The following TRAPPC9 variants were observed in gnomAD, a reference collection of about 807,000 sequenced individuals.
TRAPPC9 encodes the protein IKK2 binding protein.
A neutral mutation model predicts 124.0 loss-of-function variants in TRAPPC9; 83 were observed. The ratio of observed to expected loss-of-function variants is 0.67; its 90% CI spans 0.56 to 0.80. The LOEUF is 0.80. TRAPPC9 is among the 30% of genes least tolerant of loss of function. The pLI is 0.00. For missense variants in TRAPPC9, 1,302 were observed against 1,508.3 expected, an observed-to-expected ratio of 0.86 and a Z score of 2.27; for synonymous variants, 638 against 617.5, an observed-to-expected ratio of 1.03 and a Z score of -0.49.
intron 16 of TRAPPC9, among the ~76,000 whole-genome samples, chr8:140,231,556 A>C (rs184647427): frequency 0.017 from 2,158 of 129,956 alleles, 26 homozygotes; most frequent in Non-Finnish European, 0.024. Flanking sequence ...ACAGTGGTGC[A>C]ATCTCGGCTC....
chr8:139,953,727 C>A (rs1834807693), intron 19 of TRAPPC9, among the ~76,000 whole-genome samples: 1 of 152,178 alleles, frequency 6.6e-6, no homozygotes, highest in Non-Finnish European at 1.5e-5. Context: ...AACAGCCCAA[C>A]TTTATTTAAA....
intron 21 of TRAPPC9, among the ~76,000 whole-genome samples, chr8:139,807,657 G>A (rs555452176): frequency 4.6e-5 from 7 of 152,236 alleles, no homozygotes; most frequent in South Asian, 2.1e-4. Flanking sequence ...AAAGGTGGGC[G>A]AACGGTACCA....
chr8:140,149,478 G>A (rs1048557654), intron 17 of TRAPPC9, among the ~76,000 whole-genome samples: 20 of 152,050 alleles, frequency 1.3e-4, no homozygotes, highest in African/African-American at 1.2e-4. Flanking sequence ...AAATTAGCCG[G>A]GTGTGGTGGC....
intron 17 of TRAPPC9, among the ~76,000 whole-genome samples, chr8:140,090,744 G>A (rs1844513559): frequency 6.6e-6 from 1 of 152,232 alleles, no homozygotes; most frequent in Non-Finnish European, 1.5e-5. Context: ...TAAAGAGCTG[G>A]GCATCTCATT....
upstream of TRAPPC9, chr8:140,458,339 G>A (rs774113233): frequency 5.7e-6 from 9 of 1,584,374 alleles, no homozygotes; most frequent in Admixed American, 1.5e-4. Flanking sequence ...AGGGGTGGAG[G>A]CCCCGCGGAA....
chr8:140,455,246 C>A (rs2071611475), intron 1 of TRAPPC9, among the ~76,000 whole-genome samples: 1 of 152,136 alleles, frequency 6.6e-6, no homozygotes, highest in Non-Finnish European at 1.5e-5. Flanking sequence ...GATTCTCATG[C>A]CTCGGCCTCC....
chr8:140,362,636 A>G (rs969286921), intron 8 of TRAPPC9, among the ~76,000 whole-genome samples: 7 of 152,230 alleles, frequency 4.6e-5, no homozygotes, highest in African/African-American at 1.7e-4. Context: ...CAACTGCAGG[A>G]AAGGAGAGAA....
intron 18 of TRAPPC9, among the ~76,000 whole-genome samples, chr8:140,012,317 T>C (rs1839191121): frequency 6.6e-6 from 1 of 152,152 alleles, no homozygotes; most frequent in Admixed American, 6.5e-5. Context: ...AAAATCAAGG[T>C]ACCCTGCCAC....
At chr8:139,846,752 C>T (rs2130911833) in intron 21 of TRAPPC9, among the ~76,000 whole-genome samples, 1 of 152,310 alleles carries the variant, frequency 6.6e-6, no homozygotes, top group South Asian at 2.1e-4. Context: ...TCCCATCCTC[C>T]CTCATCCAGT....
intron 17 of TRAPPC9, among the ~76,000 whole-genome samples, chr8:140,194,967 C>T (rs2062602763): frequency 6.6e-6 from 1 of 152,078 alleles, no homozygotes; most frequent in Admixed American, 6.5e-5. Context: ...GTACAGATCA[C>T]ACCTGTGACA....
intron 19 of TRAPPC9, among the ~76,000 whole-genome samples, chr8:139,950,034 C>T (rs183107521): frequency 2.6e-5 from 4 of 152,316 alleles, no homozygotes; most frequent in African/African-American, 9.6e-5. Flanking sequence ...TCCTGCAGAA[C>T]AAAGGTCTAT....
intron 18 of TRAPPC9, among the ~76,000 whole-genome samples, chr8:139,997,893 A>G (rs1838138963): frequency 1.8e-5 from 1 of 54,574 alleles, no homozygotes; most frequent in Non-Finnish European, 5.1e-5. Flanking sequence ...GAGACAATGC[A>G]TCCCACACAG....
chr8:139,912,285 CTT>C (rs1831790630), intron 19 of TRAPPC9, among the ~76,000 whole-genome samples: 1 of 152,082 alleles, frequency 6.6e-6, no homozygotes, highest in African/African-American at 2.4e-5. Flanking sequence ...AGTTTGAAGT[CTT>C]GTTTTATTCT....
intron 17 of TRAPPC9, among the ~76,000 whole-genome samples, chr8:140,185,698 G>A (rs538392383): frequency 7.7e-4 from 117 of 152,352 alleles, no homozygotes; most frequent in African/African-American, 2.7e-3. Flanking sequence ...CGAGGGGCGG[G>A]GACTGTGTGG....
intron 10 of TRAPPC9, among the ~76,000 whole-genome samples, chr8:140,309,293 AACCAC>A (rs1401348167): frequency 6.6e-6 from 1 of 152,222 alleles, no homozygotes; most frequent in East Asian, 1.9e-4. Flanking sequence ...AAACAAAACA[AACCAC>A]TCTGTGTGGG....
intron 18 of TRAPPC9, among the ~76,000 whole-genome samples, chr8:139,992,543 T>C (rs1837711414): frequency 6.6e-6 from 1 of 151,732 alleles, no homozygotes; most frequent in African/African-American, 2.4e-5. Flanking sequence ...TTTAAAGAAA[T>C]TATCTCTTTC....
chr8:140,433,073 C>T (rs1013551972), intron 4 of TRAPPC9, among the ~76,000 whole-genome samples: 1 of 152,090 alleles, frequency 6.6e-6, no homozygotes, highest in Admixed American at 6.6e-5. Context: ...GAGGCCGAAG[C>T]GGGTGGATCA....
In TRAPPC9 at chr8:139,730,563, G is replaced by A. The variant is rs949827440; in HGVS notation, c.*498C>T. On this transcript the variant is annotated 3_prime_UTR_variant, in exon 23 of 23. Coordinates refer to ENST00000438773, the MANE Select transcript of TRAPPC9 (RefSeq NM_001160372.4). Reference sequence around the variant, plus strand: ...CTCTCCTGCCAAGTTGCCCATGGGGGTCTCCAGGAAGAAAACCAGCCTTGG... The same window carrying A: ...CTCTCCTGCCAAGTTGCCCATGGGGATCTCCAGGAAGAAAACCAGCCTTGG... 2 of 163,186 alleles carry A rather than the reference G, an allele frequency of 1.2e-5. No homozygotes were observed. Among genetic ancestry groups the A allele is most frequent in the African/African-American group, 4.8e-5 (2 of 41,692 alleles). 10.1% of individuals were successfully genotyped at this position (163,186 alleles called of 1,614,324 possible).
intron 17 of TRAPPC9, among the ~76,000 whole-genome samples, chr8:140,194,315 C>T (rs1312881824): frequency 6.6e-6 from 1 of 151,848 alleles, no homozygotes; most frequent in African/African-American, 2.4e-5. Flanking sequence ...CTCTTGGATA[C>T]CAAAACTGCT....
Sources: gnomAD v4.1 joint callset for allele counts (sites outside exome capture counted in the v4.1 genomes callset) on GRCh38, gnomAD v4.1.1 for gene constraint, MANE v1.5 for transcripts, NCBI Gene and HGNC (gene_info 2026-07-23, HGNC 2026-07-21) for gene names.